Variants in PPP4R2 observed in about 807,000 individuals in gnomAD.
PPP4R2 encodes protein phosphatase 4 regulatory subunit 2.
A neutral mutation model predicts 47.2 loss-of-function variants in PPP4R2; 13 were observed. The ratio of observed to expected loss-of-function variants is 0.28; its 90% CI spans 0.18 to 0.44. PPP4R2 has a LOEUF of 0.44. Among genes scored for constraint, PPP4R2 ranks in the 20% least tolerant of loss-of-function variants. The pLI is 1.00. For missense variants in PPP4R2, 421 were observed against 491.2 expected (o/e 0.86, Z 1.35); for synonymous variants, 151 against 163.3 (o/e 0.92, Z 0.57).
chr3:73,022,662 C>T (rs1701983946), intron 2 of PPP4R2, among the ~76,000 whole-genome samples: 2 of 151,960 alleles, frequency 1.3e-5, no homozygotes, highest in Non-Finnish European at 2.9e-5. Flanking sequence ...AGTTTAAGAA[C>T]GTCAATAAAT....
intron 2 of PPP4R2, among the ~76,000 whole-genome samples, chr3:72,998,818 G>T (rs1701404654): frequency 1.3e-5 from 2 of 152,096 alleles, no homozygotes; most frequent in Non-Finnish European, 2.9e-5. Flanking sequence ...TTTGCAGTTT[G>T]TGTGGTAGAC....
At chr3:73,061,729 T>G in intron 5 of PPP4R2, 1 of 214,256 alleles carries the variant, frequency 4.7e-6, no homozygotes, top group Non-Finnish European at 9.2e-6. Flanking sequence ...TCTGCTTTCA[T>G]AGACTACTCT....
At chr3:73,014,245 C>G (rs1221867431) in intron 2 of PPP4R2, among the ~76,000 whole-genome samples, 2 of 129,960 alleles carry the variant, frequency 1.5e-5, no homozygotes, top group Non-Finnish European at 3.6e-5. Context: ...ATCTCTATAT[C>G]CATGTTAGCA....
intron 2 of PPP4R2, among the ~76,000 whole-genome samples, chr3:73,027,154 A>T (rs1702083334): frequency 6.6e-6 from 1 of 152,178 alleles, no homozygotes; most frequent in South Asian, 2.1e-4. Flanking sequence ...TTTGAGACAG[A>T]GTCTTGCTCT....
Position 73,065,740 on chromosome 3 carries a change from G to A in PPP4R2, c.*18G>A. ...AAGACTAACTATTTAGAAACATTTAGATGCAGTATTTTACATACAGTTCTG... is the reference window on the plus strand; with the variant it reads ...AAGACTAACTATTTAGAAACATTTAAATGCAGTATTTTACATACAGTTCTG... On this transcript the variant is annotated 3_prime_UTR_variant, in exon 9 of 9. Transcript: ENST00000356692. 6.5e-7 allele frequency: 1 copy of A among 1,538,934 alleles called. No individual in the cohort carries two copies. The highest frequency in any genetic ancestry group is 8.8e-7 in the Non-Finnish European group (1 of 1,130,844).
intron 1 of PPP4R2, 138 bp downstream of exon 1, chr3:72,997,209 C>T (rs1701365311): frequency 6.9e-6 from 4 of 581,270 alleles, no homozygotes; most frequent in Admixed American, 4.4e-5. Context: ...TCCCCCTCCA[C>T]CTCCCCAGGG....
rs564489126 is a variant in PPP4R2 at position 73,064,216 on chromosome 3, T to C, written c.638+70T>C. 2.8e-5 allele frequency: 36 copies of C among 1,304,472 alleles called. No individual in the cohort carries two copies. The South Asian group carries it at 4.2e-4, about 15-fold the overall frequency. 80.8% of individuals were successfully genotyped at this position (1,304,472 alleles called of 1,614,324 possible). ...AAAGTTAACATTTAATCAGTACTTA[T>C]CACTTACTATTTATAAGTTCTGAGG... is the stretch of plus-strand genomic sequence containing the variant. On this transcript the variant is annotated intron_variant, in intron 7 of 8. Transcript: ENST00000356692.
intron 3 of PPP4R2, among the ~76,000 whole-genome samples, chr3:73,056,382 A>G (rs1235729794): frequency 2.0e-5 from 3 of 152,206 alleles, no homozygotes; most frequent in Admixed American, 1.3e-4. Context: ...CTAGTTTATA[A>G]TAGGCTCTTA....
chr3:73,015,278 C>G (rs779522301), intron 2 of PPP4R2, among the ~76,000 whole-genome samples: 1 of 151,950 alleles, frequency 6.6e-6, no homozygotes, highest in Non-Finnish European at 1.5e-5. Flanking sequence ...CTCCCTGGTT[C>G]AAGCAGTTCT....
intron 2 of PPP4R2, among the ~76,000 whole-genome samples, chr3:73,016,309 C>T (rs1553646126): frequency 6.6e-6 from 1 of 151,814 alleles, no homozygotes. Flanking sequence ...TGGTTCTAAA[C>T]CAGGGCTGAC....
intron 2 of PPP4R2, among the ~76,000 whole-genome samples, chr3:73,038,397 A>G (rs767204103): frequency 2.7e-5 from 4 of 149,852 alleles, no homozygotes; most frequent in Non-Finnish European, 3.0e-5. Context: ...TTTTTTGGAG[A>G]TGGAGTCTCA....
chr3:73,017,821 G>A (rs906777617), intron 2 of PPP4R2, among the ~76,000 whole-genome samples: 4 of 151,938 alleles, frequency 2.6e-5, no homozygotes, highest in Admixed American at 6.6e-5. Flanking sequence ...CCACCTCCTG[G>A]GTTCTAGCAA....
At position 72,996,845 on chromosome 3, in the gene PPP4R2, G is replaced by C. The variant is rs948179765; in HGVS notation, c.-193G>C. The stretch of plus-strand genomic sequence containing the variant: ...GTTGGAGGGTTGGTGGTAGCGGCTT[G>C]GGGAGGTGCTCGCTCTGTCGGTCTT... On this transcript the variant is annotated 5_prime_UTR_variant, in exon 1 of 9. Coordinates refer to ENST00000356692, the MANE Select transcript of PPP4R2 (RefSeq NM_174907.4). The C allele has an allele frequency of 5.0e-6, 2 of 400,636 alleles. No homozygotes were observed. The highest frequency in any genetic ancestry group is 8.9e-6 in the Non-Finnish European group (2 of 224,870). The allele number at this position is 400,636 out of a possible 1,614,324, so 24.8% of individuals were successfully genotyped here. A position where few individuals can be genotyped will look rare whatever the true frequency, so the allele number is the denominator to read the frequency against.
intron 2 of PPP4R2, among the ~76,000 whole-genome samples, chr3:73,002,406 G>A (rs1304284339): frequency 6.6e-6 from 1 of 151,962 alleles, no homozygotes. Flanking sequence ...TAGGGTACAT[G>A]CCACGATGCC....
intron 3 of PPP4R2, among the ~76,000 whole-genome samples, chr3:73,047,800 A>G (rs1023907662): frequency 2.0e-5 from 3 of 152,190 alleles, no homozygotes; most frequent in Non-Finnish European, 2.9e-5. Context: ...ACAAGTAACC[A>G]TTTTTGGCCG....
intron 2 of PPP4R2, among the ~76,000 whole-genome samples, chr3:73,002,953 T>C (rs952583001): frequency 2.6e-5 from 4 of 152,022 alleles, no homozygotes; most frequent in Non-Finnish European, 4.4e-5. Context: ...AGGGTTTTTA[T>C]AACTTTTTGC....
intron 2 of PPP4R2, among the ~76,000 whole-genome samples, chr3:73,038,286 G>C (rs1702304431): frequency 6.6e-6 from 1 of 152,232 alleles, no homozygotes; most frequent in Admixed American, 6.5e-5. Context: ...CGTGCTGTTA[G>C]AAGAGTCATC....
intron 2 of PPP4R2, among the ~76,000 whole-genome samples, chr3:73,021,915 T>TC (rs1182448350): frequency 6.7e-6 from 1 of 148,202 alleles, no homozygotes; most frequent in African/African-American, 2.5e-5. Context: ...TTTTTTTTTT[T>TC]TGAAACAATC....
chr3:73,050,054 C>T (rs1483460154), intron 3 of PPP4R2, among the ~76,000 whole-genome samples: 2 of 152,106 alleles, frequency 1.3e-5, no homozygotes, highest in Non-Finnish European at 2.9e-5. Flanking sequence ...TATTCTCCAG[C>T]CTCAACCTCT....
Sources: allele counts gnomAD v4.1 joint callset (sites outside exome capture counted in the v4.1 genomes callset), GRCh38; gene constraint gnomAD v4.1.1; transcripts MANE v1.5; gene names NCBI Gene and HGNC (gene_info 2026-07-23, HGNC 2026-07-21).